Variants in ADAMTS6 observed in about 807,000 individuals in gnomAD.
The protein encoded by ADAMTS6 is ADAM metallopeptidase with thrombospondin type 1 motif 6.
A neutral mutation model predicts 144.3 loss-of-function variants in ADAMTS6; 23 were observed. That is an observed-to-expected ratio of 0.16 (90% CI 0.11 to 0.23). The LOEUF is 0.23. ADAMTS6 is among the 10% of genes least tolerant of loss of function. The pLI is 1.00. For synonymous variants in ADAMTS6, 444 were observed against 457.5 expected (o/e 0.97, Z 0.38); for missense variants, 999 against 1,379.6 (o/e 0.72, Z 4.37).
chr5:65,177,980 C>A (rs956814551), intron 22 of ADAMTS6, among the ~76,000 whole-genome samples: 2 of 152,204 alleles, frequency 1.3e-5, no homozygotes, highest in Non-Finnish European at 2.9e-5. Flanking sequence ...GAGGGCCATC[C>A]AGCCTCCCTC....
chr5:65,289,642 G>A (rs566082775), intron 11 of ADAMTS6, among the ~76,000 whole-genome samples: 1 of 152,220 alleles, frequency 6.6e-6, no homozygotes, highest in East Asian at 1.9e-4. Context: ...TATAGATATA[G>A]CAAGAAGAAT....
intron 11 of ADAMTS6, among the ~76,000 whole-genome samples, chr5:65,275,781 A>T (rs1222165058): frequency 6.6e-6 from 1 of 152,028 alleles, no homozygotes; most frequent in African/African-American, 2.4e-5. Context: ...CAGTAAGAGT[A>T]ACATTTAAGG....
intron 7 of ADAMTS6, among the ~76,000 whole-genome samples, chr5:65,359,452 G>A (rs1749625510): frequency 6.6e-6 from 1 of 152,116 alleles, no homozygotes; most frequent in Non-Finnish European, 1.5e-5. Flanking sequence ...CTGCTACACA[G>A]TTAGTGAGAA....
At chr5:65,397,633 T>C (rs1753460887) in intron 7 of ADAMTS6, among the ~76,000 whole-genome samples, 1 of 152,030 alleles carries the variant, frequency 6.6e-6, no homozygotes, top group Admixed American at 6.6e-5. Flanking sequence ...TCCCAGGATT[T>C]TGGTAGGCCC....
At chr5:65,358,488 A>T (rs1156579127) in intron 7 of ADAMTS6, among the ~76,000 whole-genome samples, 2 of 152,056 alleles carry the variant, frequency 1.3e-5, no homozygotes, top group African/African-American at 4.8e-5. Context: ...TCCTTACCAA[A>T]CTTCCAATGA....
chr5:65,376,572 C>G (rs1278373358), intron 7 of ADAMTS6, among the ~76,000 whole-genome samples: 1 of 152,174 alleles, frequency 6.6e-6, no homozygotes, highest in Non-Finnish European at 1.5e-5. Context: ...TGGCTCATGC[C>G]TGTAATCCCA....
At chr5:65,252,956 C>T (rs896880624) in intron 14 of ADAMTS6, among the ~76,000 whole-genome samples, 1 of 152,120 alleles carries the variant, frequency 6.6e-6, no homozygotes, top group Non-Finnish European at 1.5e-5. Context: ...GTGAGCCTCT[C>T]AGCTTACTGT....
chr5:65,362,239 A>G (rs1441999750), intron 7 of ADAMTS6, among the ~76,000 whole-genome samples: 1 of 152,170 alleles, frequency 6.6e-6, no homozygotes, highest in Non-Finnish European at 1.5e-5. Flanking sequence ...AGGCGATGTG[A>G]ATTCTAGTCC....
intron 14 of ADAMTS6, among the ~76,000 whole-genome samples, chr5:65,259,177 T>C (rs919095511): frequency 6.7e-6 from 1 of 149,654 alleles, no homozygotes; most frequent in Non-Finnish European, 1.5e-5. Context: ...GCCAATGTGG[T>C]GAAACCCCAG....
chr5:65,339,292 C>T (rs1182608132), intron 7 of ADAMTS6, among the ~76,000 whole-genome samples: 1 of 152,120 alleles, frequency 6.6e-6, no homozygotes, highest in Non-Finnish European at 1.5e-5. Context: ...ACTACTGTGT[C>T]TATCTAGAAC....
At chr5:65,321,708 CTTT>C (rs529236363) in intron 9 of ADAMTS6, among the ~76,000 whole-genome samples, 2,822 of 78,626 alleles carry the variant, frequency 0.036, 40 homozygotes, top group African/African-American at 0.13. Context: ...TTTTCTTTTC[CTTT>C]TTTTTTTTTT....
intron 24 of ADAMTS6, among the ~76,000 whole-genome samples, chr5:65,160,023 A>G (rs1003686094): frequency 1.3e-5 from 2 of 152,234 alleles, no homozygotes; most frequent in Admixed American, 1.3e-4. Flanking sequence ...TTTTTTCATA[A>G]TGAAATACTG....
At chr5:65,181,660 C>G (rs1370625915) in intron 22 of ADAMTS6, among the ~76,000 whole-genome samples, 1 of 152,168 alleles carries the variant, frequency 6.6e-6, no homozygotes, top group African/African-American at 2.4e-5. Flanking sequence ...TATTCACAGG[C>G]TGCTCTTAGT....
At chr5:65,475,243 G>A (rs1014259621) in intron 1 of ADAMTS6, among the ~76,000 whole-genome samples, 1 of 152,108 alleles carries the variant, frequency 6.6e-6, no homozygotes, top group Non-Finnish European at 1.5e-5. Flanking sequence ...TCCCTACGGT[G>A]ATAGAAATAT....
intron 9 of ADAMTS6, among the ~76,000 whole-genome samples, chr5:65,326,726 T>C (rs1214144951): frequency 6.6e-6 from 1 of 152,128 alleles, no homozygotes; most frequent in African/African-American, 2.4e-5. Context: ...CACCTGAAAA[T>C]ATATTGGATA....
chr5:65,302,884 G>A (rs1333652461), intron 9 of ADAMTS6, among the ~76,000 whole-genome samples: 2 of 151,948 alleles, frequency 1.3e-5, no homozygotes, highest in Admixed American at 1.3e-4. Context: ...AATCAATTTT[G>A]AGATTCTCGA....
chr5:65,157,730 G>A (rs1055911667), intron 24 of ADAMTS6, among the ~76,000 whole-genome samples: 1 of 152,236 alleles, frequency 6.6e-6, no homozygotes, highest in South Asian at 2.1e-4. Flanking sequence ...TTGTGCATGC[G>A]TGGCACAGGA....
chr5:65,371,780 G>C (rs918636984), intron 7 of ADAMTS6, among the ~76,000 whole-genome samples: 5 of 152,084 alleles, frequency 3.3e-5, no homozygotes, highest in African/African-American at 1.2e-4. Context: ...ATGCCACAAA[G>C]ATACTCCTCG....
Position 65,172,993 on chromosome 5 carries a change from C to T in ADAMTS6, c.2926G>A (p.Gly976Ser), listed in dbSNP as rs1185263383. 9 of 1,613,444 alleles carry T rather than the reference C, an allele frequency of 5.6e-6. No homozygotes were observed. The highest frequency in any genetic ancestry group is 1.3e-5 in the African/African-American group (1 of 74,892). ...ACAATCCGATGCTTGAATCCTGGAC[C>T]ACATTTTGGAGTACACTGGAAATAA... Reference protein sequence around the residue: ...LDWSECTPKCGPGFKHRIVLC... With the variant: ...LDWSECTPKCSPGFKHRIVLC... The change falls in exon 23 of 25, where the codon GGT (glycine) becomes AGT (serine). Residue 976 changes from glycine (G) to serine (S), a missense_variant. Around this residue, in one of 3 missense-constraint regions of ADAMTS6, gnomAD observed 619 missense variants for 837.0 expected, o/e 0.74. Transcript: ENST00000381055.
Sources: allele counts gnomAD v4.1 joint callset (sites outside exome capture counted in the v4.1 genomes callset), GRCh38; gene constraint gnomAD v4.1.1; regional missense constraint gnomAD v4.1.1; transcripts MANE v1.5; gene names NCBI Gene and HGNC (gene_info 2026-07-23, HGNC 2026-07-21).